CPA6: variants seen among roughly 807,000 people sequenced by gnomAD.
CPA6 encodes carboxypeptidase B.
A neutral mutation model predicts 63.3 loss-of-function variants in CPA6; 58 were observed. The observed-to-expected ratio is 0.92, with a 90% CI of 0.74 to 1.14. CPA6 has a LOEUF of 1.14. Among genes scored for constraint, CPA6 ranks in the 50% most tolerant of loss-of-function variants. CPA6 has a pLI of 0.00. For missense variants in CPA6, 565 were observed against 526.6 expected (o/e 1.07, Z -0.71); for synonymous variants, 185 against 179.0 (o/e 1.03, Z -0.27).
At chr8:67,500,309 G>A (rs1457045222) in intron 6 of CPA6, among the ~76,000 whole-genome samples, 1 of 152,018 alleles carries the variant, frequency 6.6e-6, no homozygotes, top group African/African-American at 2.4e-5. Context: ...TTTTTTGCGT[G>A]TGCTTATTTG....
chr8:67,438,107 G>A (rs113757979), intron 8 of CPA6, among the ~76,000 whole-genome samples: 33,011 of 151,976 alleles, frequency 0.22, 3,868 homozygotes, highest in African/African-American at 0.31. Flanking sequence ...TAGTAGAGAC[G>A]GGGTTTCACC....
intron 2 of CPA6, among the ~76,000 whole-genome samples, chr8:67,556,693 G>A (rs1002625861): frequency 2.6e-5 from 4 of 152,202 alleles, no homozygotes; most frequent in African/African-American, 9.7e-5. Flanking sequence ...TCTATTATCA[G>A]TTAGAGCTCG....
At chr8:67,470,438 G>A (rs1452337511) in intron 8 of CPA6, among the ~76,000 whole-genome samples, 2 of 151,722 alleles carry the variant, frequency 1.3e-5, no homozygotes, top group African/African-American at 4.8e-5. Flanking sequence ...AAACATTTTG[G>A]GCAATAACCT....
intron 8 of CPA6, among the ~76,000 whole-genome samples, chr8:67,468,577 T>C (rs1182207481): frequency 2.9e-5 from 3 of 101,744 alleles, no homozygotes; most frequent in African/African-American, 4.7e-5. Context: ...CGAGACTCTG[T>C]CTCAAAAATA....
At chr8:67,464,983 G>C (rs987537772) in intron 8 of CPA6, among the ~76,000 whole-genome samples, 5 of 152,162 alleles carry the variant, frequency 3.3e-5, no homozygotes, top group African/African-American at 1.2e-4. Flanking sequence ...GATTGCTGTG[G>C]CTAATCAGGC....
chr8:67,585,010 A>G (rs984004272), intron 2 of CPA6, among the ~76,000 whole-genome samples: 1 of 151,952 alleles, frequency 6.6e-6, no homozygotes, highest in Non-Finnish European at 1.5e-5. Flanking sequence ...GGTTGTTGGC[A>G]GTAACCAGAA....
Position 67,484,809 on chromosome 8 carries a change from T to C in CPA6, c.637-20A>G, listed in dbSNP as rs746689064. 7.0e-7 allele frequency: 1 copy of C among 1,427,584 alleles called. No homozygotes were observed. Among genetic ancestry groups the C allele is most frequent in the Non-Finnish European group, 9.8e-7 (1 of 1,021,014 alleles). 88.4% of individuals were successfully genotyped at this position (1,427,584 alleles called of 1,614,324 possible). ...AAGAGCCTAAAAGACAAAGGTGAGA[T>C]TTTTCTTTTAAATTGGTCCCCAAAA... On this transcript the variant is annotated intron_variant, in intron 6 of 10. Coordinates refer to ENST00000297770, the MANE Select transcript of CPA6 (RefSeq NM_020361.5).
chr8:67,430,002 C>T (rs1372265943), intron 9 of CPA6, among the ~76,000 whole-genome samples: 1 of 152,066 alleles, frequency 6.6e-6, no homozygotes, highest in Non-Finnish European at 1.5e-5. Flanking sequence ...CAGGGGGCCA[C>T]AGCTAGACAC....
At chr8:67,432,958 G>A (rs190201393) in intron 9 of CPA6, among the ~76,000 whole-genome samples, 1 of 152,324 alleles carries the variant, frequency 6.6e-6, no homozygotes, top group East Asian at 1.9e-4. Context: ...AGTCATGTGG[G>A]ACTGAGTCCT....
chr8:67,512,849 TTAA>T (rs1310019454), intron 3 of CPA6, among the ~76,000 whole-genome samples: 1 of 152,262 alleles, frequency 6.6e-6, no homozygotes, highest in Non-Finnish European at 1.5e-5. Flanking sequence ...GCCTTTAATA[TTAA>T]TGTTTAAAAA....
chr8:67,662,124 A>G (rs10112728), intron 1 of CPA6, among the ~76,000 whole-genome samples: 17,800 of 152,138 alleles, frequency 0.12, 1,608 homozygotes, highest in African/African-American at 0.25. Flanking sequence ...AAACAGGGGA[A>G]AGAAGGAAGG....
intron 9 of CPA6, chr8:67,429,706 T>C (rs1423489913): frequency 2.0e-5 from 3 of 152,174 alleles, no homozygotes; most frequent in Non-Finnish European, 2.9e-5. Flanking sequence ...GTCTCAGCAA[T>C]ATTCCATGGC....
chr8:67,738,812 G>A (rs972661606), intron 1 of CPA6, among the ~76,000 whole-genome samples: 3 of 152,170 alleles, frequency 2.0e-5, no homozygotes, highest in African/African-American at 7.2e-5. Flanking sequence ...TGATCGAGAA[G>A]CCATTAATTT....
At chr8:67,703,795 A>G (rs1429675841) in intron 1 of CPA6, among the ~76,000 whole-genome samples, 1 of 152,146 alleles carries the variant, frequency 6.6e-6, no homozygotes, top group Non-Finnish European at 1.5e-5. Context: ...CCAGCTCCTT[A>G]TGACTTTCCA....
chr8:67,526,894 C>T (rs186555051), intron 2 of CPA6, among the ~76,000 whole-genome samples: 77 of 152,228 alleles, frequency 5.1e-4, no homozygotes, highest in Admixed American at 1.2e-3. Flanking sequence ...CTGACTCCTA[C>T]GTTAGAGGTT....
chr8:67,536,794 C>T (rs192053678), intron 2 of CPA6, among the ~76,000 whole-genome samples: 2 of 152,228 alleles, frequency 1.3e-5, no homozygotes, highest in East Asian at 3.9e-4. Context: ...GGAATGCTTC[C>T]AGTTTTTGCC....
intron 8 of CPA6, among the ~76,000 whole-genome samples, chr8:67,470,522 T>A (rs1307004751): frequency 6.6e-6 from 1 of 152,236 alleles, no homozygotes; most frequent in Non-Finnish European, 1.5e-5. Flanking sequence ...CTCTCATGTT[T>A]GTTTATTTTC....
intron 8 of CPA6, among the ~76,000 whole-genome samples, chr8:67,467,435 G>A (rs772751226): frequency 4.6e-5 from 7 of 152,042 alleles, no homozygotes; most frequent in Non-Finnish European, 7.4e-5. Context: ...GTTTTTCACC[G>A]GATTCTGACC....
chr8:67,433,263 C>T (rs1038565249), intron 9 of CPA6, among the ~76,000 whole-genome samples: 1 of 152,178 alleles, frequency 6.6e-6, no homozygotes, highest in Non-Finnish European at 1.5e-5. Flanking sequence ...TCCTTTTCCC[C>T]AGAGGTAAGT....
Sources: gnomAD v4.1 joint callset for allele counts (sites outside exome capture counted in the v4.1 genomes callset) on GRCh38, gnomAD v4.1.1 for gene constraint, MANE v1.5 for transcripts, NCBI Gene and HGNC (gene_info 2026-07-23, HGNC 2026-07-21) for gene names.